The following MPRIP variants were observed in gnomAD, a reference collection of about 807,000 sequenced individuals.
MPRIP encodes myosin phosphatase Rho interacting protein, also known as myosin phosphatase Rho-interacting protein.
In MPRIP, 59 loss-of-function variants were observed where a neutral mutation model predicts 234.9. The observed-to-expected ratio is 0.25, with a 90% CI of 0.20 to 0.31. MPRIP has a LOEUF of 0.31. Among genes scored for constraint, MPRIP ranks in the 10% least tolerant of loss-of-function variants. The pLI, the probability that MPRIP is intolerant of heterozygous loss-of-function variation, is 1.00. For synonymous variants in MPRIP, 1,144 were observed against 1,263.9 expected (o/e 0.91, Z 2.01); for missense variants, 2,436 against 3,071.0 (o/e 0.79, Z 4.89).
chr17:17,180,687 CCGCCTGCA>C, intron 23 of MPRIP: 1 of 1,606,732 alleles, frequency 6.2e-7, no homozygotes, highest in Middle Eastern at 1.7e-4. Flanking sequence ...GCCTCTCCCA[CCGCCTGCA>C]TGCACTGCTC....
intron 3 of MPRIP, among the ~76,000 whole-genome samples, chr17:17,093,331 A>G (rs2089763369): frequency 6.6e-6 from 1 of 152,182 alleles, no homozygotes; most frequent in African/African-American, 2.4e-5. Flanking sequence ...AACAATCTTT[A>G]TTTCCAATGA....
intron 1 of MPRIP, chr17:17,057,741 C>T (rs1417261711): frequency 2.8e-6 from 2 of 716,626 alleles, no homozygotes; most frequent in East Asian, 2.7e-5. Flanking sequence ...TATGAGACCA[C>T]CCTGACCCCC....
chr17:17,136,667 C>T (rs1170739481), intron 6 of MPRIP, among the ~76,000 whole-genome samples: 4 of 152,360 alleles, frequency 2.6e-5, no homozygotes, highest in South Asian at 4.1e-4. Context: ...TAAATCCCAT[C>T]TTTAAAGGAG....
chr17:17,084,647 A>T (rs2089544732), intron 3 of MPRIP, among the ~76,000 whole-genome samples: 1 of 152,186 alleles, frequency 6.6e-6, no homozygotes, highest in African/African-American at 2.4e-5. Context: ...CTCCACCAGC[A>T]CCTGCTGCCT....
At chr17:17,074,897 T>C (rs997716497) in intron 1 of MPRIP, among the ~76,000 whole-genome samples, 1 of 152,214 alleles carries the variant, frequency 6.6e-6, no homozygotes, top group African/African-American at 2.4e-5. Flanking sequence ...CCATGGATAT[T>C]TGGGCTGTTA....
rs1000953883 is a variant in MPRIP, at chr17:17,186,119, G to A, written c.*1225G>A. Reference sequence around the variant, plus strand: ...ACCATTAATCCCATTAAGATAGGGAGTATAAACCCCTGGCTGGTGGAACAG... The same window carrying A: ...ACCATTAATCCCATTAAGATAGGGAATATAAACCCCTGGCTGGTGGAACAG... On this transcript the variant is annotated 3_prime_UTR_variant, in exon 24 of 24. Transcript: ENST00000651222. 6.6e-6 allele frequency: 1 copy of A among 152,470 alleles called. No homozygotes were observed. Among genetic ancestry groups the A allele is most frequent in the Non-Finnish European group, 1.5e-5 (1 of 68,292 alleles). The allele number at this position is 152,470 out of a possible 1,614,324, so 9.4% of individuals were successfully genotyped here. A position where few individuals can be genotyped will look rare whatever the true frequency, so the allele number is the denominator to read the frequency against.
At chr17:17,066,806 G>C (rs1368112070) in intron 1 of MPRIP, among the ~76,000 whole-genome samples, 1 of 128,286 alleles carries the variant, frequency 7.8e-6, no homozygotes, top group Non-Finnish European at 1.6e-5. Flanking sequence ...GCCCAGGCCG[G>C]AGTGTAGTGG....
At chr17:17,060,125 C>T (rs2088826116) in intron 1 of MPRIP, among the ~76,000 whole-genome samples, 1 of 152,144 alleles carries the variant, frequency 6.6e-6, no homozygotes, top group Non-Finnish European at 1.5e-5. Context: ...CGCAGATGGC[C>T]AGGCTGGGTG....
chr17:17,136,916 C>G (rs577151480), intron 6 of MPRIP, among the ~76,000 whole-genome samples: 3 of 152,176 alleles, frequency 2.0e-5, no homozygotes, highest in African/African-American at 7.2e-5. Flanking sequence ...TCCTCGTGCC[C>G]TGTCTTTTAG....
chr17:17,158,761 C>T lies in MPRIP; in HGVS notation c.2159C>T (p.Thr720Ile). 6.2e-7 allele frequency: 1 copy of T among 1,611,674 alleles called. No individual in the cohort carries two copies. Among genetic ancestry groups the T allele is most frequent in the Non-Finnish European group, 8.5e-7 (1 of 1,179,884 alleles). ...RRKRFGMLDATDGPGTEDAAL... is the reference protein window; with the variant it reads ...RRKRFGMLDAIDGPGTEDAAL... ...AAGCGCTTCGGGATGCTCGACGCCA[C>T]AGACGGGCCAGGCACTGAGGATGCA... The change falls in exon 14 of 24, where the codon ACA (threonine) becomes ATA (isoleucine). Residue 720 changes from threonine to isoleucine, a missense_variant. Physicochemically the swap from Thr to Ile is moderately conservative, Grantham distance 89. This residue lies in a region of MPRIP where 1,998 missense variants were observed against 2,520.3 expected (regional missense o/e 0.79). Transcript: ENST00000651222.
At chr17:17,161,513 T>G (rs2045870095) in intron 15 of MPRIP, among the ~76,000 whole-genome samples, 157 bp downstream of exon 15, 1 of 152,168 alleles carries the variant, frequency 6.6e-6, no homozygotes, top group Admixed American at 6.5e-5. Context: ...GACTGGACAC[T>G]CAATGTGCTT....
chr17:17,128,959 G>T (rs1234423006), intron 4 of MPRIP, among the ~76,000 whole-genome samples: 2 of 152,126 alleles, frequency 1.3e-5, no homozygotes, highest in Non-Finnish European at 2.9e-5. Flanking sequence ...GAGCTCTCTG[G>T]TCACATCAAA....
intron 1 of MPRIP, among the ~76,000 whole-genome samples, chr17:17,060,594 G>A (rs2088839904): frequency 6.6e-6 from 1 of 152,192 alleles, no homozygotes; most frequent in Non-Finnish European, 1.5e-5. Flanking sequence ...AAGCCCTGGG[G>A]TCAGCTCCAC....
intron 12 of MPRIP, among the ~76,000 whole-genome samples, chr17:17,150,488 G>T (rs1186020264): frequency 6.6e-6 from 1 of 152,096 alleles, no homozygotes; most frequent in Non-Finnish European, 1.5e-5. Flanking sequence ...GTTTCTGAAG[G>T]TTCCTTTTTT....
At chr17:17,088,083 C>A (rs1347105500) in intron 3 of MPRIP, among the ~76,000 whole-genome samples, 1 of 152,230 alleles carries the variant, frequency 6.6e-6, no homozygotes, top group African/African-American at 2.4e-5. Flanking sequence ...TATCAAGGGG[C>A]TGAAGAGGGG....
At chr17:17,182,510 TGGCTGAGCCTTG>T (rs2144719152) in intron 23 of MPRIP, 1 of 152,394 alleles carries the variant, frequency 6.6e-6, no homozygotes, top group Non-Finnish European at 1.5e-5. Context: ...CAGAGGGAGC[TGGCTGAGCCTTG>T]GGCTGAGCAG....
At chr17:17,130,783 G>A (rs4985737) in intron 4 of MPRIP, among the ~76,000 whole-genome samples, 15 of 152,088 alleles carry the variant, frequency 9.9e-5, no homozygotes, top group Middle Eastern at 3.4e-3. Flanking sequence ...CACCCCCGTC[G>A]TCTAGCCCCC....
chr17:17,058,076 A>C, intron 1 of MPRIP: 1 of 244,586 alleles, frequency 4.1e-6, no homozygotes, highest in Non-Finnish European at 8.0e-6. Flanking sequence ...CGAGGCCCAG[A>C]TGGGTAGCTC....
intron 1 of MPRIP, among the ~76,000 whole-genome samples, chr17:17,047,998 C>T (rs1271304898): frequency 6.6e-6 from 1 of 152,104 alleles, no homozygotes; most frequent in Non-Finnish European, 1.5e-5. Flanking sequence ...GTGGGAGAAG[C>T]AGGTCTGGAA....
Sources: gnomAD v4.1 joint callset for allele counts (sites outside exome capture counted in the v4.1 genomes callset) on GRCh38, gnomAD v4.1.1 for gene constraint, gnomAD v4.1.1 regional missense constraint, MANE v1.5 for transcripts, NCBI Gene and HGNC (gene_info 2026-07-23, HGNC 2026-07-21) for gene names.